PCTP: variants seen among roughly 807,000 people sequenced by gnomAD.
The protein encoded by PCTP is phosphatidylcholine transfer protein.
In PCTP, 27 loss-of-function variants were observed where a neutral mutation model predicts 31.0. That is an observed-to-expected ratio of 0.87 (90% CI 0.64 to 1.20). The LOEUF (loss-of-function observed/expected upper bound fraction) is 1.20, where lower values mean the gene tolerates loss of function less well. PCTP is among the 50% of genes most tolerant of loss of function. PCTP has a pLI of 0.00. For missense variants in PCTP, 287 were observed against 268.2 expected (o/e 1.07, Z -0.49); for synonymous variants, 108 against 101.2 (o/e 1.07, Z -0.40).
At chr17:55,772,578 C>CA (rs35394658) in intron 3 of PCTP, among the ~76,000 whole-genome samples, 1,364 of 78,400 alleles carry the variant, frequency 0.017, 25 homozygotes, top group African/African-American at 0.038. Context: ...GACTCTGTCT[C>CA]AAAAAAAAAA....
intron 2 of PCTP, among the ~76,000 whole-genome samples, chr17:55,785,004 C>T (rs780363915): frequency 2.0e-5 from 3 of 151,036 alleles, no homozygotes; most frequent in Non-Finnish European, 4.4e-5. Context: ...CTTTCTGACA[C>T]GGCTCCCAAT....
chr17:55,824,781 C>T (rs1260115179), downstream of PCTP, among the ~76,000 whole-genome samples: 5 of 152,192 alleles, frequency 3.3e-5, no homozygotes, highest in African/African-American at 9.6e-5. Context: ...CCTCACTAAA[C>T]TCCCTCTTGG....
At chr17:55,821,410 G>T (rs9898504) in intron 3 of PCTP, among the ~76,000 whole-genome samples, 1 of 152,222 alleles carries the variant, frequency 6.6e-6, no homozygotes, top group African/African-American at 2.4e-5. Flanking sequence ...AGCTTCTTTT[G>T]GGGGTGATAA....
At chr17:55,784,407 A>G (rs752397330) in intron 2 of PCTP, among the ~76,000 whole-genome samples, 2 of 152,164 alleles carry the variant, frequency 1.3e-5, no homozygotes, top group Admixed American at 6.5e-5. Context: ...TGGCTTTTGC[A>G]TAAGGTTGAC....
chr17:55,824,395 C>T (rs139683145), downstream of PCTP, among the ~76,000 whole-genome samples: 133 of 152,268 alleles, frequency 8.7e-4, no homozygotes, highest in African/African-American at 3.2e-3. Context: ...ATGACCTGAC[C>T]TCCTGTACCT....
intron 1 of PCTP, among the ~76,000 whole-genome samples, chr17:55,760,065 C>T (rs1450402142): frequency 1.3e-5 from 2 of 152,150 alleles, no homozygotes; most frequent in African/African-American, 4.8e-5. Context: ...GACAAGTTAG[C>T]CAGCACGATA....
intron 3 of PCTP, among the ~76,000 whole-genome samples, chr17:55,798,181 A>G (rs1052100151): frequency 6.6e-6 from 1 of 152,068 alleles, no homozygotes; most frequent in African/African-American, 2.4e-5. Context: ...AGATAGAATA[A>G]TAAAAAGAAG....
intron 3 of PCTP, among the ~76,000 whole-genome samples, chr17:55,794,439 T>C (rs1912115009): frequency 6.6e-6 from 1 of 151,984 alleles, no homozygotes; most frequent in Admixed American, 6.6e-5. Flanking sequence ...TCTCTTGTTA[T>C]GGGCATTTGG....
rs185269261 is a variant in PCTP at position 55,809,529 on chromosome 17, T to C, written c.318-13232T>C. On this transcript the variant is annotated intron_variant, in intron 3 of 3. Coordinates refer to the PCTP transcript ENST00000572536. The stretch of plus-strand genomic sequence containing the variant: ...ATCAGAGCATTCTCAGAGTCTTTTT[T>C]TTTTTTTTTTGGAGACGAAGTCTTG... Among the ~76,000 whole-genome samples the C allele has an allele frequency of 5.2e-3, 788 of 151,854 alleles. 8 individuals are homozygous for C. The highest frequency in any genetic ancestry group is 0.018 in the African/African-American group (732 of 41,414).
downstream of PCTP, among the ~76,000 whole-genome samples, chr17:55,780,757 T>A (rs1911535808): frequency 6.6e-6 from 1 of 152,190 alleles, no homozygotes; most frequent in African/African-American, 2.4e-5. Flanking sequence ...AGTGTGGCCA[T>A]GGTATGTAAT....
At chr17:55,845,883 T>C (rs1906132463), downstream of PCTP, among the ~76,000 whole-genome samples, 1 of 140,082 alleles carries the variant, frequency 7.1e-6, no homozygotes, top group Admixed American at 7.2e-5. Context: ...TTTGAGAGGG[T>C]TGGGGTGTGT....
intron 5 of PCTP, among the ~76,000 whole-genome samples, chr17:55,840,984 G>A (rs1173368624): frequency 1.3e-5 from 2 of 152,172 alleles, no homozygotes; most frequent in Non-Finnish European, 2.9e-5. Flanking sequence ...TGTATGTATA[G>A]GGTTTAACGC....
intron 5 of PCTP, among the ~76,000 whole-genome samples, chr17:55,841,479 C>T (rs754390053): frequency 5.9e-5 from 9 of 152,298 alleles, no homozygotes; most frequent in Non-Finnish European, 7.4e-5. Context: ...CTGACTTTGA[C>T]TTGGAAATGG....
At position 55,773,800 on chromosome 17, in the gene PCTP, C is replaced by A. The variant is rs1911144345; in HGVS notation, c.416C>A (p.Ser139Tyr). The change falls in exon 4 of 6, where the codon TCC (serine) becomes TAC (tyrosine). Residue 139 changes from serine to tyrosine, a missense_variant. Physicochemically the swap from Ser to Tyr is moderately radical, Grantham distance 144. Transcript: ENST00000268896. ...CATGTGATCCTGGCCCGGAGCACCTCCATGCCTCAGCTTGGCGAGAGGTCT... is the reference window on the plus strand; with the variant it reads ...CATGTGATCCTGGCCCGGAGCACCTACATGCCTCAGCTTGGCGAGAGGTCT... ...KIHVILARST[S>Y]MPQLGERSGV... 6.2e-7 allele frequency: 1 copy of A among 1,613,910 alleles called. No individual in the cohort carries two copies.
chr17:55,779,256 GA>G (rs1240564109), downstream of PCTP, among the ~76,000 whole-genome samples: 2 of 152,182 alleles, frequency 1.3e-5, no homozygotes, highest in East Asian at 3.8e-4. Flanking sequence ...ATGGTCTAAT[GA>G]AAACTCAGTG....
intron 5 of PCTP, among the ~76,000 whole-genome samples, chr17:55,839,976 C>A (rs1263833007): frequency 6.8e-6 from 1 of 146,442 alleles, no homozygotes; most frequent in Non-Finnish European, 1.5e-5. Flanking sequence ...AAGGTGAGAT[C>A]CATTGGAATG....
intron 1 of PCTP, among the ~76,000 whole-genome samples, chr17:55,763,041 A>G (rs1597976722): frequency 6.6e-6 from 1 of 152,190 alleles, no homozygotes; most frequent in African/African-American, 2.4e-5. Flanking sequence ...AGATAAGGAA[A>G]TTGAGCCACT....
intron 1 of PCTP, among the ~76,000 whole-genome samples, chr17:55,763,211 C>G (rs1567712268): frequency 1.3e-5 from 2 of 152,096 alleles, no homozygotes; most frequent in Non-Finnish European, 2.9e-5. Flanking sequence ...CACATCAGAT[C>G]TTATTATAGT....
intron 3 of PCTP, among the ~76,000 whole-genome samples, chr17:55,809,228 C>G (rs1219893211): frequency 6.6e-6 from 1 of 152,128 alleles, no homozygotes; most frequent in East Asian, 1.9e-4. Context: ...CTCTCCTTCT[C>G]TCAAACAAAA....
Sources: allele counts gnomAD v4.1 joint callset (sites outside exome capture counted in the v4.1 genomes callset), GRCh38; gene constraint gnomAD v4.1.1; transcripts MANE v1.5; gene names NCBI Gene and HGNC (gene_info 2026-07-23, HGNC 2026-07-21).